Variants in TRHDE observed in about 807,000 individuals in gnomAD.
TRHDE encodes thyrotropin releasing hormone degrading enzyme.
A neutral mutation model predicts 125.7 loss-of-function variants in TRHDE; 72 were observed. That is an observed-to-expected ratio of 0.57 (90% CI 0.47 to 0.70). TRHDE has a LOEUF of 0.70. Ranked by LOEUF, TRHDE falls within the 30% of genes least tolerant of loss-of-function variation. TRHDE has a pLI of 0.00. For synonymous variants in TRHDE, 509 were observed against 509.1 expected (o/e 1.00, Z 0.00); for missense variants, 1,110 against 1,327.1 (o/e 0.84, Z 2.54).
intron 1 of TRHDE, chr12:72,087,495 A>G (rs1874696399): frequency 6.6e-6 from 1 of 152,240 alleles, no homozygotes; most frequent in African/African-American, 2.4e-5. Context: ...AGACCACAGA[A>G]GTGTCATCTA....
intron 12 of TRHDE, among the ~76,000 whole-genome samples, chr12:72,585,328 A>T (rs999764379): frequency 6.6e-6 from 1 of 152,202 alleles, no homozygotes; most frequent in African/African-American, 2.4e-5. Flanking sequence ...ATCATTGGCT[A>T]TCAGGTTACA....
rs1878158695 is a variant in TRHDE, at chr12:72,227,545, CA to C, written n.279+121795del. 3.9e-5 allele frequency among the ~76,000 whole-genome samples: 6 copies of C among 152,160 alleles called. No homozygotes were observed. In the South Asian group the frequency reaches 1.2e-3, roughly 32 times the overall value. ...TGAGATATGGGGGGACACAGCCAAA[CA>C]ATATCGTTCTGCCCCAGGCCCCTCC... On this transcript the variant is annotated intron_variant and non_coding_transcript_variant, in intron 2 of 4. Coordinates refer to the TRHDE transcript ENST00000548156.
chr12:72,378,220 A>T, intron 3 of TRHDE, 99 bp downstream of exon 3: 1 of 1,182,550 alleles, frequency 8.5e-7, no homozygotes, highest in East Asian at 2.7e-5. Context: ...GAAAATTCTG[A>T]GATTTATATT....
At chr12:72,527,391 C>T (rs1204737592) in intron 6 of TRHDE, among the ~76,000 whole-genome samples, 5 of 151,956 alleles carry the variant, frequency 3.3e-5, no homozygotes, top group South Asian at 4.1e-4. Flanking sequence ...ACAGTTATGT[C>T]GCATAAAGAA....
intron 13 of TRHDE, among the ~76,000 whole-genome samples, chr12:72,620,074 A>AT (rs1490851991): frequency 6.6e-6 from 1 of 152,058 alleles, no homozygotes; most frequent in Non-Finnish European, 1.5e-5. Flanking sequence ...TTATGATACA[A>AT]TTTTTTACTT....
intron 2 of TRHDE, among the ~76,000 whole-genome samples, chr12:72,293,234 G>A (rs1417367842): frequency 1.3e-5 from 2 of 151,814 alleles, no homozygotes; most frequent in East Asian, 1.9e-4. Context: ...GTTTTTTGTA[G>A]ATTCTGGATA....
chr12:72,279,318 A>G (rs887482178), intron 1 of TRHDE, among the ~76,000 whole-genome samples: 2 of 139,096 alleles, frequency 1.4e-5, no homozygotes, highest in African/African-American at 5.5e-5. Flanking sequence ...TAAATGCTTT[A>G]CGGTCTTTAA....
chr12:72,345,992 C>A (rs1870312373), intron 2 of TRHDE, among the ~76,000 whole-genome samples: 1 of 123,884 alleles, frequency 8.1e-6, no homozygotes, highest in African/African-American at 2.5e-5. Flanking sequence ...GAGGAAAATC[C>A]ACTATTTTTC....
intron 3 of TRHDE, among the ~76,000 whole-genome samples, chr12:72,425,395 T>A (rs567773976): frequency 6.6e-5 from 10 of 152,120 alleles, no homozygotes; most frequent in African/African-American, 2.4e-4. Context: ...CTTAGATGTT[T>A]TGAAATTCTT....
intron 12 of TRHDE, among the ~76,000 whole-genome samples, chr12:72,582,878 GCTT>G (rs1262067673): frequency 3.3e-5 from 5 of 152,036 alleles, no homozygotes; most frequent in Non-Finnish European, 7.4e-5. Flanking sequence ...TATGAAGGAT[GCTT>G]CGTTTCAAAA....
At chr12:72,628,481 A>C (rs1403979743) in intron 15 of TRHDE, among the ~76,000 whole-genome samples, 4 of 151,880 alleles carry the variant, frequency 2.6e-5, no homozygotes, top group Non-Finnish European at 5.9e-5. Context: ...CAGAATCCGT[A>C]CTGAAACAAG....
At chr12:72,396,213 C>G (rs1349724751) in intron 3 of TRHDE, among the ~76,000 whole-genome samples, 1 of 152,142 alleles carries the variant, frequency 6.6e-6, no homozygotes, top group East Asian at 1.9e-4. Flanking sequence ...AAATAAGAAA[C>G]ATTTCCTGAT....
chr12:72,125,548 C>T (rs1286225440), intron 2 of TRHDE, among the ~76,000 whole-genome samples: 2 of 152,286 alleles, frequency 1.3e-5, no homozygotes, highest in African/African-American at 2.4e-5. Flanking sequence ...CTCCAACATA[C>T]ACTCCTATGT....
chr12:72,385,615 C>T (rs914632109), intron 3 of TRHDE, among the ~76,000 whole-genome samples: 5 of 152,054 alleles, frequency 3.3e-5, no homozygotes, highest in African/African-American at 4.8e-5. Flanking sequence ...AGATTGTATT[C>T]AAATGGCCAC....
intron 6 of TRHDE, among the ~76,000 whole-genome samples, chr12:72,540,071 AT>A (rs1437610533): frequency 6.6e-6 from 1 of 151,820 alleles, no homozygotes; most frequent in African/African-American, 2.4e-5. Flanking sequence ...CTTTGTTATA[AT>A]CCATACATAG....
At chr12:72,615,299 T>G (rs978724968) in intron 12 of TRHDE, among the ~76,000 whole-genome samples, 1 of 152,158 alleles carries the variant, frequency 6.6e-6, no homozygotes, top group African/African-American at 2.4e-5. Flanking sequence ...TAGCAATATT[T>G]CCCTGTGGTG....
At chr12:72,660,421 G>A (rs536416061) in intron 18 of TRHDE, among the ~76,000 whole-genome samples, 1 of 152,192 alleles carries the variant, frequency 6.6e-6, no homozygotes, top group South Asian at 2.1e-4. Flanking sequence ...CCAAGGAAAG[G>A]AGACTCCCTT....
intron 2 of TRHDE, among the ~76,000 whole-genome samples, chr12:72,303,984 T>C (rs1262909237): frequency 6.6e-6 from 1 of 152,070 alleles, no homozygotes; most frequent in Non-Finnish European, 1.5e-5. Flanking sequence ...AGGAACCAGG[T>C]GATGTGGCTG....
chr12:72,196,946 C>T (rs1272671385), intron 2 of TRHDE, among the ~76,000 whole-genome samples: 1 of 152,064 alleles, frequency 6.6e-6, no homozygotes, highest in Non-Finnish European at 1.5e-5. Flanking sequence ...TTCTTCCATT[C>T]TCCCTGAGCC....
Sources: gnomAD v4.1 joint callset for allele counts (sites outside exome capture counted in the v4.1 genomes callset) on GRCh38, gnomAD v4.1.1 for gene constraint, MANE v1.5 for transcripts, NCBI Gene and HGNC (gene_info 2026-07-23, HGNC 2026-07-21) for gene names.